The following FBXW11 variants were observed in gnomAD, a reference collection of about 807,000 sequenced individuals.
FBXW11 encodes the protein F-box/WD repeat-containing protein 11.
Under a neutral mutation model 77.6 loss-of-function variants are expected in FBXW11, and 19 were observed. The ratio of observed to expected loss-of-function variants is 0.24; its 90% CI spans 0.17 to 0.36. The LOEUF (loss-of-function observed/expected upper bound fraction) is 0.36, where lower values mean the gene tolerates loss of function less well. Among genes scored for constraint, FBXW11 ranks in the 10% least tolerant of loss-of-function variants. The pLI, the probability that FBXW11 is intolerant of heterozygous loss-of-function variation, is 1.00. For synonymous variants in FBXW11, 235 were observed against 249.4 expected, an observed-to-expected ratio of 0.94 and a Z score of 0.54; for missense variants, 334 against 704.2, an observed-to-expected ratio of 0.47 and a Z score of 5.95.
chr5:171,885,379 C>A (rs1758811820), intron 7 of FBXW11, among the ~76,000 whole-genome samples: 1 of 152,252 alleles, frequency 6.6e-6, no homozygotes, highest in South Asian at 2.1e-4. Flanking sequence ...CCACACTGAG[C>A]CTCCAGCAAT....
At chr5:171,971,695 T>C (rs1057298711) in intron 1 of FBXW11, among the ~76,000 whole-genome samples, 3 of 152,156 alleles carry the variant, frequency 2.0e-5, no homozygotes, top group Non-Finnish European at 4.4e-5. Context: ...TTAACAACTA[T>C]AGGGAGGCTG....
chr5:171,891,381 T>C (rs1461714154), intron 7 of FBXW11, 86 bp downstream of exon 7: 5 of 1,311,618 alleles, frequency 3.8e-6, no homozygotes. Context: ...AAAACCAATC[T>C]AGAGTAAATG....
intron 7 of FBXW11, among the ~76,000 whole-genome samples, chr5:171,888,868 T>C (rs1759099008): frequency 6.6e-6 from 1 of 152,082 alleles, no homozygotes; most frequent in African/African-American, 2.4e-5. Context: ...TAAAATATCA[T>C]ACCTGAAATT....
At position 171,947,515 on chromosome 5, in the gene FBXW11, A is replaced by C. The variant is rs147116845; in HGVS notation, c.147+10082T>G. Among the ~76,000 whole-genome samples the C allele has an allele frequency of 1.4e-4, 21 of 152,164 alleles. No individual in the cohort carries two copies. The East Asian group carries it at 3.9e-3, about 28-fold the overall frequency. On this transcript the variant is annotated intron_variant, in intron 2 of 13. Transcript: ENST00000517395. Reference sequence around the variant, plus strand: ...GGAGTTCAAGACCCCAGTCCGGACAACATAGGGAGGCCCCATCTCAATTAT... The same window carrying C: ...GGAGTTCAAGACCCCAGTCCGGACACCATAGGGAGGCCCCATCTCAATTAT...
chr5:171,938,162 A>G (rs1294098588), intron 2 of FBXW11, among the ~76,000 whole-genome samples: 1 of 152,222 alleles, frequency 6.6e-6, no homozygotes, highest in Non-Finnish European at 1.5e-5. Context: ...GACTCAAGTT[A>G]TCCTCCCACC....
Position 171,869,623 on chromosome 5 carries a change from T to G in FBXW11, c.1530+106A>C, listed in dbSNP as rs1757631341. 1.4e-6 allele frequency: 1 copy of G among 721,532 alleles called. No homozygotes were observed. Among genetic ancestry groups the G allele is most frequent in the Admixed American group, 3.7e-5 (1 of 26,848 alleles). 44.7% of individuals were successfully genotyped at this position (721,532 alleles called of 1,614,324 possible). A position where few individuals can be genotyped will look rare whatever the true frequency, so the allele number is the denominator to read the frequency against. ...TGAAGACTGAAATTCTCTGAAGGCA[T>G]CTTGTGAGACACACAAGCGTTCCTG... On this transcript the variant is annotated intron_variant, in intron 12 of 13. Transcript: ENST00000517395. This position sits in a 1 kb window ranked among gnomAD's most constrained non-coding sequence, Gnocchi z 4.1.
intron 1 of FBXW11, among the ~76,000 whole-genome samples, chr5:171,979,260 C>A (rs1765015126): frequency 1.3e-5 from 2 of 152,198 alleles, no homozygotes; most frequent in Admixed American, 1.3e-4. Flanking sequence ...AAGGTATGAG[C>A]CACAATCATG....
intron 7 of FBXW11, among the ~76,000 whole-genome samples, chr5:171,885,549 T>A (rs180865995): frequency 6.6e-6 from 1 of 152,328 alleles, no homozygotes; most frequent in East Asian, 1.9e-4. Context: ...GTAGAATGGT[T>A]GATTTTTCAG....
intron 1 of FBXW11, among the ~76,000 whole-genome samples, chr5:171,966,045 T>C (rs771692635): frequency 4.8e-4 from 73 of 152,180 alleles, no homozygotes; most frequent in Admixed American, 3.3e-4. Flanking sequence ...CAGCCATGAT[T>C]GTAAGTTTCC....
At position 171,971,927 on chromosome 5, in the gene FBXW11, T is replaced by A. The variant is rs1764554443; in HGVS notation, c.46-14229A>T. Among the ~76,000 whole-genome samples the A allele has an allele frequency of 2.0e-5, 3 of 151,486 alleles. No individual in the cohort carries two copies. In the South Asian group the frequency reaches 6.3e-4, roughly 32 times the overall value. ...TGAGCCTGGGAAGTCGAGGCTGCAG[T>A]GAGCCGAGATTGTGTTATTGCATTC... On this transcript the variant is annotated intron_variant, in intron 1 of 13. Transcript: ENST00000517395.
intron 1 of FBXW11, chr5:171,997,063 C>A: frequency 7.8e-7 from 1 of 1,289,780 alleles, no homozygotes; most frequent in Non-Finnish European, 1.0e-6. Context: ...TGTTGAAAGA[C>A]AGAAAGCAAT....
intron 1 of FBXW11, among the ~76,000 whole-genome samples, chr5:171,982,963 A>C (rs557286443): frequency 2.0e-5 from 3 of 152,300 alleles, no homozygotes; most frequent in African/African-American, 7.2e-5. Context: ...CCACTTTGGG[A>C]GGCCAAGGCA....
At position 171,981,353 on chromosome 5, in the gene FBXW11, G is replaced by C. The variant is rs183427553; in HGVS notation, c.46-23655C>G. On this transcript the variant is annotated intron_variant, in intron 1 of 13. Coordinates refer to ENST00000517395, the MANE Select transcript of FBXW11 (RefSeq NM_001378974.1). ...TCTTTTTAAAAACCAATAAATGTAA[G>C]TAAAGTATTTCCCTGAGTTCTGTGA... Among the ~76,000 whole-genome samples, 30 of 152,244 alleles carry C rather than the reference G, an allele frequency of 2.0e-4. No homozygotes were observed. The East Asian group carries it at 5.6e-3, about 28-fold the overall frequency.
chr5:171,954,842 A>C (rs1235767051), intron 2 of FBXW11, among the ~76,000 whole-genome samples: 1 of 152,242 alleles, frequency 6.6e-6, no homozygotes, highest in Non-Finnish European at 1.5e-5. Context: ...CCAGGTGTCA[A>C]TAGTGAGGTT....
At chr5:171,941,901 T>C (rs532476067) in intron 2 of FBXW11, among the ~76,000 whole-genome samples, 3 of 151,278 alleles carry the variant, frequency 2.0e-5, no homozygotes, top group Admixed American at 6.6e-5. Flanking sequence ...ATTAAGATCA[T>C]GTGATTAAAA....
chr5:171,977,673 G>A (rs1441836327), intron 1 of FBXW11: 3 of 450,216 alleles, frequency 6.7e-6, no homozygotes, highest in Non-Finnish European at 1.3e-5. Context: ...AATCATGGCA[G>A]AAAGCAAGGA....
At chr5:171,964,638 G>A (rs1764089674) in intron 1 of FBXW11, among the ~76,000 whole-genome samples, 1 of 152,188 alleles carries the variant, frequency 6.6e-6, no homozygotes, top group African/African-American at 2.4e-5. Context: ...CTAAAATTCA[G>A]AACCTAGGCT....
At chr5:171,922,384 C>T (rs1761646431) in intron 2 of FBXW11, among the ~76,000 whole-genome samples, 1 of 152,170 alleles carries the variant, frequency 6.6e-6, no homozygotes, top group South Asian at 2.1e-4. Context: ...TTCTTGTTAC[C>T]TACACGTAGG....
chr5:171,925,203 T>C (rs1761826242), intron 2 of FBXW11, among the ~76,000 whole-genome samples: 1 of 152,186 alleles, frequency 6.6e-6, no homozygotes, highest in Non-Finnish European at 1.5e-5. Context: ...ACACTAGGTA[T>C]AAACATAAAT....
Sources: gnomAD v4.1 joint callset for allele counts (sites outside exome capture counted in the v4.1 genomes callset) on GRCh38, gnomAD v4.1.1 for gene constraint, Gnocchi (gnomAD v3.1) non-coding constraint, MANE v1.5 for transcripts, NCBI Gene and HGNC (gene_info 2026-07-23, HGNC 2026-07-21) for gene names.